The following PTPRD variants were observed in gnomAD, a reference collection of about 807,000 sequenced individuals.
PTPRD encodes the protein receptor-type tyrosine-protein phosphatase delta.
A neutral mutation model predicts 214.5 loss-of-function variants in PTPRD; 34 were observed. That is an observed-to-expected ratio of 0.16 (90% CI 0.12 to 0.21). The LOEUF (loss-of-function observed/expected upper bound fraction) is 0.21. Among genes scored for constraint, PTPRD ranks in the 10% least tolerant of loss-of-function variants. The pLI is 1.00. For synonymous variants in PTPRD, 1,128 were observed against 845.7 expected, an observed-to-expected ratio of 1.33 and a Z score of -5.79; for missense variants, 2,545 against 2,398.7, an observed-to-expected ratio of 1.06 and a Z score of -1.27.
At chr9:8,509,798 A>G (rs1219721557) in intron 21 of PTPRD, among the ~76,000 whole-genome samples, 1 of 152,174 alleles carries the variant, frequency 6.6e-6, no homozygotes, top group Non-Finnish European at 1.5e-5. Context: ...TTCCTTCTAA[A>G]TAATGACTTA....
intron 3 of PTPRD, among the ~76,000 whole-genome samples, chr9:10,207,974 G>C (rs1469257463): frequency 6.6e-6 from 1 of 152,146 alleles, no homozygotes; most frequent in Non-Finnish European, 1.5e-5. Flanking sequence ...CCTTGGAGAA[G>C]CTTTGTATTA....
chr9:8,465,616 T>C lies in PTPRD; in HGVS notation c.3564A>G (p.Leu1188=), dbSNP rs1324322711. The C allele has an allele frequency of 6.2e-7, 1 of 1,612,400 alleles. No homozygotes were observed. The highest frequency in any genetic ancestry group is 1.3e-5 in the African/African-American group (1 of 74,800). The change falls in exon 32 of 46, where the codon TTA becomes TTG. Residue 1188 remains leucine, a synonymous_variant. Transcript: ENST00000381196. The part of the protein sequence containing the change: ...RSIRYGREVE[L]KPYIAAHFDV... ...CAAAGTGAGCGGCAATATATGGCTT[T>C]AATTCAACTTCTCTCCCATAACGGA...
intron 10 of PTPRD, among the ~76,000 whole-genome samples, chr9:9,071,562 T>A (rs566839164): frequency 6.6e-6 from 1 of 152,232 alleles, no homozygotes; most frequent in East Asian, 1.9e-4. Context: ...TGGCCTCTGG[T>A]CCCTGAGGTC....
At chr9:10,314,280 G>T (rs1042195630) in intron 3 of PTPRD, among the ~76,000 whole-genome samples, 1 of 151,788 alleles carries the variant, frequency 6.6e-6, no homozygotes, top group East Asian at 1.9e-4. Context: ...CCTCCAACCA[G>T]GACAAGGTTG....
At chr9:8,891,659 C>A (rs144030040) in intron 11 of PTPRD, among the ~76,000 whole-genome samples, 2 of 152,208 alleles carry the variant, frequency 1.3e-5, no homozygotes, top group Admixed American at 6.5e-5. Context: ...ATGGACGCAG[C>A]GATGGAGGCA....
chr9:9,750,390 A>G (rs972470748), intron 6 of PTPRD, among the ~76,000 whole-genome samples: 1 of 152,168 alleles, frequency 6.6e-6, no homozygotes, highest in Non-Finnish European at 1.5e-5. Flanking sequence ...GAGAAATTAT[A>G]GACTCCCTCA....
At chr9:8,704,387 G>C (rs2098154662) in intron 12 of PTPRD, among the ~76,000 whole-genome samples, 2 of 152,154 alleles carry the variant, frequency 1.3e-5, no homozygotes, top group Admixed American at 1.3e-4. Flanking sequence ...GAGGAAAGCA[G>C]AGTAGGAAGG....
intron 2 of PTPRD, among the ~76,000 whole-genome samples, chr9:10,444,478 T>G (rs2154524352): frequency 6.6e-6 from 1 of 151,934 alleles, no homozygotes; most frequent in Non-Finnish European, 1.5e-5. Flanking sequence ...GTTTCTTAAC[T>G]TTCTTTACTG....
At chr9:8,643,663 G>A (rs1232457990) in intron 12 of PTPRD, among the ~76,000 whole-genome samples, 10 of 152,216 alleles carry the variant, frequency 6.6e-5, no homozygotes, top group Non-Finnish European at 1.0e-4. Context: ...AGTTGAGGCC[G>A]AGCCTAGGTG....
intron 7 of PTPRD, among the ~76,000 whole-genome samples, chr9:9,722,818 T>G (rs2097986202): frequency 6.6e-6 from 1 of 152,092 alleles, no homozygotes; most frequent in African/African-American, 2.4e-5. Flanking sequence ...ACTAGTGATT[T>G]TCATATGCTT....
intron 5 of PTPRD, among the ~76,000 whole-genome samples, chr9:9,901,823 G>A (rs1338219752): frequency 6.6e-6 from 1 of 152,108 alleles, no homozygotes; most frequent in Non-Finnish European, 1.5e-5. Context: ...TGGCAAGCAA[G>A]CACATCTTTA....
At chr9:9,081,823 C>CTTT (rs201454000) in intron 10 of PTPRD, among the ~76,000 whole-genome samples, 1 of 137,672 alleles carries the variant, frequency 7.3e-6, no homozygotes, top group Non-Finnish European at 1.6e-5. Flanking sequence ...GCAACTCCTG[C>CTTT]TTTTTTTTTT....
intron 11 of PTPRD, among the ~76,000 whole-genome samples, chr9:8,764,304 C>G (rs2094575815): frequency 6.6e-6 from 1 of 152,108 alleles, no homozygotes; most frequent in African/African-American, 2.4e-5. Flanking sequence ...GAGAGGAAAA[C>G]TCTTGATTCA....
At chr9:10,313,866 C>T (rs889854258) in intron 3 of PTPRD, among the ~76,000 whole-genome samples, 4 of 151,816 alleles carry the variant, frequency 2.6e-5, no homozygotes, top group African/African-American at 9.7e-5. Context: ...TGGGCCATTA[C>T]GATAGGTGCC....
intron 2 of PTPRD, among the ~76,000 whole-genome samples, chr9:10,598,869 A>G (rs2077284317): frequency 6.6e-6 from 1 of 151,634 alleles, no homozygotes; most frequent in Non-Finnish European, 1.5e-5. Context: ...GAAAGAATGT[A>G]TGACACTACC....
At chr9:9,595,945 A>G (rs1411516422) in intron 7 of PTPRD, among the ~76,000 whole-genome samples, 1 of 145,316 alleles carries the variant, frequency 6.9e-6, no homozygotes, top group Non-Finnish European at 1.5e-5. Context: ...ACCTATGGAA[A>G]TAAAAAAAAA....
intron 5 of PTPRD, among the ~76,000 whole-genome samples, chr9:9,843,608 T>A (rs550547457): frequency 6.6e-6 from 1 of 151,980 alleles, no homozygotes; most frequent in Non-Finnish European, 1.5e-5. Flanking sequence ...TTTGACAGGA[T>A]ATATCTCATG....
intron 3 of PTPRD, among the ~76,000 whole-genome samples, chr9:10,322,996 C>A (rs1246809477): frequency 1.3e-5 from 2 of 151,908 alleles, no homozygotes; most frequent in African/African-American, 4.8e-5. Flanking sequence ...ATTAGCATTA[C>A]AACAAAATTA....
At chr9:9,764,922 AACAGCAGGCTC>A (rs1329821536) in intron 6 of PTPRD, among the ~76,000 whole-genome samples, 11 of 152,170 alleles carry the variant, frequency 7.2e-5, no homozygotes. Context: ...GGTAATGACT[AACAGCAGGCTC>A]GAGGTTGAAG....
Sources: allele counts gnomAD v4.1 joint callset (sites outside exome capture counted in the v4.1 genomes callset), GRCh38; gene constraint gnomAD v4.1.1; transcripts MANE v1.5; gene names NCBI Gene and HGNC (gene_info 2026-07-23, HGNC 2026-07-21).